The following FGD4 variants were observed in gnomAD, a reference collection of about 807,000 sequenced individuals.
FGD4 encodes FYVE, RhoGEF and PH domain containing 4, also known as FYVE, RhoGEF and PH domain-containing protein 4.
A neutral mutation model predicts 102.0 loss-of-function variants in FGD4; 42 were observed. That is an observed-to-expected ratio of 0.41 (90% CI 0.32 to 0.53). The LOEUF (loss-of-function observed/expected upper bound fraction) is 0.53, where lower values mean the gene tolerates loss of function less well. FGD4 is among the 20% of genes least tolerant of loss of function. The pLI is 0.21. For synonymous variants in FGD4, 380 were observed against 375.7 expected (o/e 1.01, Z -0.13); for missense variants, 902 against 1,078.2 (o/e 0.84, Z 2.29).
intron 12 of FGD4, chr12:32,624,677 C>A: frequency 1.5e-6 from 1 of 670,782 alleles, no homozygotes; most frequent in Non-Finnish European, 2.7e-6. Flanking sequence ...TTTTGCCATG[C>A]TGCCCAGGCT....
chr12:32,520,806 C>T (rs778506782), intron 1 of FGD4, among the ~76,000 whole-genome samples: 14 of 151,968 alleles, frequency 9.2e-5, no homozygotes, highest in Non-Finnish European at 1.5e-4. Flanking sequence ...ACATTGTGTG[C>T]GAATATGCAT....
Position 32,638,693 on chromosome 12 carries a change from C to T in FGD4, c.2352C>T (p.Cys784=). The change falls in exon 16 of 17, where the codon TGC becomes TGT. Residue 784 remains cysteine, a synonymous_variant. Coordinates refer to ENST00000534526, the MANE Select transcript of FGD4 (RefSeq NM_001370298.3). ...SAEVSGNSVV[C]SFLQYMEKSK... ...AAGTATCTGGAAACAGTGTGGTGTGCAGCTTTCTTCAGTATATGGAGAAGT... is the reference window on the plus strand; with the variant it reads ...AAGTATCTGGAAACAGTGTGGTGTGTAGCTTTCTTCAGTATATGGAGAAGT... 1 of 1,614,170 alleles carries T rather than the reference C, an allele frequency of 6.2e-7. No individual in the cohort carries two copies. Among genetic ancestry groups the T allele is most frequent in the Non-Finnish European group, 8.5e-7 (1 of 1,180,034 alleles).
chr12:32,526,861 C>T (rs1941288797), intron 1 of FGD4, among the ~76,000 whole-genome samples: 1 of 152,232 alleles, frequency 6.6e-6, no homozygotes, highest in African/African-American at 2.4e-5. Flanking sequence ...TCCGTGGCTT[C>T]ATTCTTGAAG....
In FGD4 at chr12:32,544,589, C is replaced by T. The variant is rs562600942; in HGVS notation, c.167-19548C>T. Among the ~76,000 whole-genome samples, 20 of 151,288 alleles carry T rather than the reference C, an allele frequency of 1.3e-4. No individual in the cohort carries two copies. The highest frequency in any genetic ancestry group is 2.0e-4 in the East Asian group (1 of 5,122). ...TCTACAAAAAAATACAAAAATGAGC[C>T]GGGCGTGGTGGCTCACACCTGTGGT... On this transcript the variant is annotated intron_variant, in intron 1 of 16. Transcript: ENST00000534526. The surrounding 1 kb of genome is among the most constrained non-coding windows in gnomAD (Gnocchi z 4.1).
At position 32,615,008 on chromosome 12, in the gene FGD4, AC is replaced by A. The variant is rs1317752326; in HGVS notation, c.1749+3726del. Among the ~76,000 whole-genome samples the A allele has an allele frequency of 5.9e-5, 9 of 152,248 alleles. No homozygotes were observed. The East Asian group carries it at 1.5e-3, about 26-fold the overall frequency. The stretch of plus-strand genomic sequence containing the variant: ...AAGAAAATTGAAAACATGTGTCTGC[AC>A]AAAAACTTGCACATCTTTGTCCATA... On this transcript the variant is annotated intron_variant, in intron 10 of 16. Transcript: ENST00000534526.
At chr12:32,542,463 T>C (rs1942919526) in intron 1 of FGD4, among the ~76,000 whole-genome samples, 1 of 152,252 alleles carries the variant, frequency 6.6e-6, no homozygotes, top group Admixed American at 6.5e-5. Flanking sequence ...AACAATTTTA[T>C]TTGGTTTTAG....
chr12:32,547,732 A>C (rs2136171388), intron 1 of FGD4, among the ~76,000 whole-genome samples: 1 of 152,316 alleles, frequency 6.6e-6, no homozygotes, highest in South Asian at 2.1e-4. Flanking sequence ...TTTAAGACGG[A>C]GTCTCACTTT....
chr12:32,531,314 A>G (rs1213085870), intron 1 of FGD4, among the ~76,000 whole-genome samples: 1 of 152,132 alleles, frequency 6.6e-6, no homozygotes, highest in Non-Finnish European at 1.5e-5. Context: ...AAATTAAAAG[A>G]TAATTTACAT....
At chr12:32,624,688 G>A (rs1390229883) in intron 12 of FGD4, 1 of 668,326 alleles carries the variant, frequency 1.5e-6, no homozygotes, top group Non-Finnish European at 2.7e-6. Context: ...TGCCCAGGCT[G>A]ATCTCGAACT....
chr12:32,602,476 C>T (rs1948490237), intron 7 of FGD4, among the ~76,000 whole-genome samples, 159 bp downstream of exon 7: 1 of 152,206 alleles, frequency 6.6e-6, no homozygotes, highest in East Asian at 1.9e-4. Context: ...TGCTGAAATA[C>T]GTATCAGTCA....
At chr12:32,546,251 A>G (rs1943216142) in intron 1 of FGD4, among the ~76,000 whole-genome samples, 2 of 152,152 alleles carry the variant, frequency 1.3e-5, no homozygotes, top group Admixed American at 6.5e-5. Context: ...TTTTAAAGAG[A>G]TGGAGTCTCA....
At chr12:32,436,303 G>T (rs1361018871) in intron 1 of FGD4, among the ~76,000 whole-genome samples, 1 of 152,180 alleles carries the variant, frequency 6.6e-6, no homozygotes, top group African/African-American at 2.4e-5. Context: ...AGCCTCCCCT[G>T]TTCCATTTAT....
At chr12:32,578,809 C>T (rs1012240963) in intron 3 of FGD4, among the ~76,000 whole-genome samples, 5 of 150,584 alleles carry the variant, frequency 3.3e-5, no homozygotes, top group South Asian at 2.1e-4. Flanking sequence ...CCAGCCTGGG[C>T]GACGGAGTGG....
intron 1 of FGD4, among the ~76,000 whole-genome samples, chr12:32,474,074 C>G (rs1035319773): frequency 6.7e-6 from 1 of 150,166 alleles, no homozygotes; most frequent in African/African-American, 2.5e-5. Flanking sequence ...GGTGACAGTG[C>G]GAGACTCTGT....
At chr12:32,425,551 A>G (rs978143685) in intron 1 of FGD4, among the ~76,000 whole-genome samples, 2 of 152,074 alleles carry the variant, frequency 1.3e-5, no homozygotes, top group African/African-American at 4.8e-5. Context: ...TCTTGGCTAT[A>G]TGAGTTCTTT....
intron 1 of FGD4, among the ~76,000 whole-genome samples, chr12:32,406,583 A>T (rs1940944035): frequency 6.6e-6 from 1 of 151,908 alleles, no homozygotes; most frequent in Non-Finnish European, 1.5e-5. Flanking sequence ...GAAAAAATTT[A>T]TGCATGTGAA....
intron 10 of FGD4, among the ~76,000 whole-genome samples, chr12:32,615,620 C>G (rs939844768): frequency 6.6e-6 from 1 of 151,952 alleles, no homozygotes; most frequent in African/African-American, 2.4e-5. Flanking sequence ...TAAAAGATCA[C>G]ATGACTGCCA....
chr12:32,447,820 T>G (rs1942664755), intron 1 of FGD4, among the ~76,000 whole-genome samples: 1 of 152,234 alleles, frequency 6.6e-6, no homozygotes, highest in Non-Finnish European at 1.5e-5. Flanking sequence ...TCTGATTTGT[T>G]CACTTGAGTC....
chr12:32,399,875 C>T lies in FGD4; in HGVS notation c.82C>T (p.Pro28Ser), dbSNP rs1199700978. ...SNPSYLPPGV[P>S]RPWSRPASHL... ...CCCCTCCTACCTGCCGCCCGGGGTGCCCCGGCCCTGGAGCAGGCCCGCGTC... is the reference window on the plus strand; with the variant it reads ...CCCCTCCTACCTGCCGCCCGGGGTGTCCCGGCCCTGGAGCAGGCCCGCGTC... Residue 28 changes from proline (P) to serine (S), a missense_variant, in exon 1 of 17, where the codon CCC becomes TCC. Physicochemically the swap from Pro to Ser is moderately conservative, Grantham distance 74. Coordinates refer to ENST00000534526, the MANE Select transcript of FGD4 (RefSeq NM_001370298.3). 51 of 1,531,076 alleles carry T rather than the reference C, an allele frequency of 3.3e-5. No individual in the cohort carries two copies. Among genetic ancestry groups the T allele is most frequent in the Non-Finnish European group, 4.1e-5 (47 of 1,145,168 alleles). 94.8% of individuals were successfully genotyped at this position (1,531,076 alleles called of 1,614,324 possible).
Sources: gnomAD v4.1 joint callset for allele counts (sites outside exome capture counted in the v4.1 genomes callset) on GRCh38, gnomAD v4.1.1 for gene constraint, Gnocchi (gnomAD v3.1) non-coding constraint, MANE v1.5 for transcripts, NCBI Gene and HGNC (gene_info 2026-07-23, HGNC 2026-07-21) for gene names.